GALNT10: variants seen among roughly 807,000 people sequenced by gnomAD.
GALNT10 encodes polypeptide N-acetylgalactosaminyltransferase 10.
GALNT10 carries 41 observed loss-of-function variants against 75.0 expected under a neutral mutation model. The ratio of observed to expected loss-of-function variants is 0.55; its 90% CI spans 0.43 to 0.71. GALNT10 has a LOEUF of 0.71. Among genes scored for constraint, GALNT10 ranks in the 30% least tolerant of loss-of-function variants. The pLI is 0.00. For synonymous variants in GALNT10, 302 were observed against 313.0 expected (o/e 0.96, Z 0.37); for missense variants, 727 against 818.5 (o/e 0.89, Z 1.36).
In GALNT10 at chr5:154,213,965, C is replaced by G. The variant is rs555018801; in HGVS notation, c.159+22940C>G. On this transcript the variant is annotated intron_variant, in intron 1 of 11. Transcript: ENST00000297107. ...GCAAGAAGGACATAGCAACTTCTCC[C>G]TTCCAGAGTTCTCCATCAGAAAGAG... Among the ~76,000 whole-genome samples, 3 of 152,288 alleles carry G rather than the reference C, an allele frequency of 2.0e-5. No homozygotes were observed. The East Asian group carries it at 5.8e-4, about 29-fold the overall frequency.
chr5:154,228,844 G>T (rs1262469594), intron 1 of GALNT10, among the ~76,000 whole-genome samples: 1 of 152,204 alleles, frequency 6.6e-6, no homozygotes, highest in Non-Finnish European at 1.5e-5. Context: ...ATGAAAGCCA[G>T]TTTCAGTTCT....
At chr5:154,317,998 C>T (rs1257125537) in intron 3 of GALNT10, among the ~76,000 whole-genome samples, 1 of 152,238 alleles carries the variant, frequency 6.6e-6, no homozygotes, top group Non-Finnish European at 1.5e-5. Context: ...GAACTTGCGT[C>T]TTTCCCAGTT....
chr5:154,389,263 A>G (rs1188273493), intron 7 of GALNT10: 1 of 151,600 alleles, frequency 6.6e-6, no homozygotes, highest in Non-Finnish European at 1.5e-5. Flanking sequence ...TAAATATCTT[A>G]TAAATATTCT....
At chr5:154,302,608 A>G (rs1363976130) in intron 3 of GALNT10, among the ~76,000 whole-genome samples, 2 of 152,200 alleles carry the variant, frequency 1.3e-5, no homozygotes, top group South Asian at 2.1e-4. Context: ...AGTTTCTCCT[A>G]TGCAAAGATT....
intron 1 of GALNT10, among the ~76,000 whole-genome samples, chr5:154,204,663 A>C (rs1056389618): frequency 6.6e-6 from 1 of 152,098 alleles, no homozygotes; most frequent in Non-Finnish European, 1.5e-5. Context: ...CTCTTCCCCA[A>C]GATTATAGAA....
chr5:154,370,950 G>A (rs1276212354), intron 4 of GALNT10, among the ~76,000 whole-genome samples: 2 of 152,198 alleles, frequency 1.3e-5, no homozygotes, highest in Non-Finnish European at 2.9e-5. Flanking sequence ...GCCAGTGTGT[G>A]AGAATCTTAC....
rs375846347 is a variant in GALNT10 at position 154,200,463 on chromosome 5, T to C, written c.159+9438T>C. Among the ~76,000 whole-genome samples, 3 of 152,316 alleles carry C rather than the reference T, an allele frequency of 2.0e-5. No homozygotes were observed. The East Asian group carries it at 5.8e-4, about 29-fold the overall frequency. On this transcript the variant is annotated intron_variant, in intron 1 of 11. Transcript: ENST00000297107. ...CTGGCAGGGGTGTGTGTGTGAAAAT[T>C]ACGTCCTGCTGCTAAAGCACATTGT...
intron 1 of GALNT10, among the ~76,000 whole-genome samples, chr5:154,293,613 A>ATATATATATATATTTTTTTTTTTTTTTT: frequency 2.7e-5 from 3 of 109,358 alleles, no homozygotes; most frequent in African/African-American, 1.3e-4. Flanking sequence ...ATATATATAT[A>ATATATATATATATTTTTTTTTTTTTTTT]TTTTTTTTTT....
chr5:154,190,789 C>CCGGACGGA lies in GALNT10; in HGVS notation c.-75_-74insACGGACGG. On this transcript the variant is annotated 5_prime_UTR_variant, in exon 1 of 12. Coordinates refer to ENST00000297107, the MANE Select transcript of GALNT10 (RefSeq NM_198321.4). ...TCTGCTGGCTGAGCTGCTGCCGCCG[C>CCGGACGGA]CGGGCGGACGGGCGGACGCGCGGAG... 1 of 631,048 alleles carries CCGGACGGA rather than the reference C, an allele frequency of 1.6e-6. No homozygotes were observed. Among genetic ancestry groups the CCGGACGGA allele is most frequent in the Non-Finnish European group, 2.0e-6 (1 of 506,504 alleles). 39.1% of individuals were successfully genotyped at this position (631,048 alleles called of 1,614,324 possible). A position where few individuals can be genotyped will look rare whatever the true frequency, so the allele number is the denominator to read the frequency against.
chr5:154,360,149 T>C (rs972312446), intron 4 of GALNT10, among the ~76,000 whole-genome samples: 2 of 152,112 alleles, frequency 1.3e-5, no homozygotes, highest in Non-Finnish European at 2.9e-5. Flanking sequence ...ATGATGAATC[T>C]ATTAAAAACT....
intron 1 of GALNT10, among the ~76,000 whole-genome samples, chr5:154,259,197 C>T (rs1753661426): frequency 6.6e-6 from 1 of 152,076 alleles, no homozygotes; most frequent in African/African-American, 2.4e-5. Flanking sequence ...CCTGTGACAT[C>T]TCCTCAGTCT....
chr5:154,353,782 G>C (rs1755247344), intron 4 of GALNT10, among the ~76,000 whole-genome samples: 2 of 152,066 alleles, frequency 1.3e-5, no homozygotes, highest in African/African-American at 4.8e-5. Flanking sequence ...CATCCTTCTG[G>C]ACCAAACTCA....
At chr5:154,282,948 G>T (rs142632504) in intron 1 of GALNT10, among the ~76,000 whole-genome samples, 12 of 152,302 alleles carry the variant, frequency 7.9e-5, no homozygotes, top group Middle Eastern at 3.4e-3. Context: ...GAGCAGTGAG[G>T]ATGCTGTAAG....
chr5:154,406,664 G>A (rs1165598956), intron 8 of GALNT10, among the ~76,000 whole-genome samples: 1 of 152,184 alleles, frequency 6.6e-6, no homozygotes, highest in Non-Finnish European at 1.5e-5. Flanking sequence ...AGGCGTGGTG[G>A]TGTGCGCCTG....
intron 1 of GALNT10, among the ~76,000 whole-genome samples, chr5:154,233,803 G>A (rs1753202575): frequency 6.6e-6 from 1 of 152,210 alleles, no homozygotes; most frequent in East Asian, 1.9e-4. Flanking sequence ...GACTGTAATG[G>A]CAGGAAGGTG....
At chr5:154,327,158 T>C (rs1033881180) in intron 3 of GALNT10, among the ~76,000 whole-genome samples, 4 of 152,000 alleles carry the variant, frequency 2.6e-5, no homozygotes, top group Non-Finnish European at 4.4e-5. Flanking sequence ...GGAGGTTGCA[T>C]TGAGCCGAGA....
At chr5:154,364,823 A>C (rs1174456551) in intron 4 of GALNT10, among the ~76,000 whole-genome samples, 2 of 152,156 alleles carry the variant, frequency 1.3e-5, no homozygotes, top group African/African-American at 4.8e-5. Flanking sequence ...ATTGCCCATG[A>C]ATCTGCTCTC....
chr5:154,379,553 G>A (rs975276748), intron 5 of GALNT10, among the ~76,000 whole-genome samples: 6 of 152,220 alleles, frequency 3.9e-5, no homozygotes, highest in Non-Finnish European at 8.8e-5. Flanking sequence ...GTCTCCCACA[G>A]CAGATTGTCT....
intron 6 of GALNT10, 77 bp downstream of exon 6, chr5:154,380,708 C>T: frequency 9.7e-7 from 1 of 1,029,840 alleles, no homozygotes; most frequent in Non-Finnish European, 1.4e-6. Context: ...TCAGGATCGC[C>T]ATCTCCCTTA....
Sources: gnomAD v4.1 joint callset for allele counts (sites outside exome capture counted in the v4.1 genomes callset) on GRCh38, gnomAD v4.1.1 for gene constraint, MANE v1.5 for transcripts, NCBI Gene and HGNC (gene_info 2026-07-23, HGNC 2026-07-21) for gene names.